DNAJC15: variants seen among roughly 807,000 people sequenced by gnomAD.
The protein encoded by DNAJC15 is dnaJ homolog subfamily C member 15.
Under a neutral mutation model 22.4 loss-of-function variants are expected in DNAJC15, and 27 were observed. The ratio of observed to expected loss-of-function variants is 1.20; its 90% CI spans 0.89 to 1.66. DNAJC15 has a LOEUF of 1.66. Among genes scored for constraint, DNAJC15 ranks in the 40% most tolerant of loss-of-function variants. DNAJC15 has a pLI of 0.00. For synonymous variants in DNAJC15, 79 were observed against 63.2 expected (o/e 1.25, Z -1.19); for missense variants, 208 against 187.1 (o/e 1.11, Z -0.65).
At chr13:43,046,251 C>T (rs1251551734) in intron 1 of DNAJC15, among the ~76,000 whole-genome samples, 1 of 151,450 alleles carries the variant, frequency 6.6e-6, no homozygotes, top group Non-Finnish European at 1.5e-5. Context: ...TTTACCTGGT[C>T]CAGGATATTT....
At chr13:43,094,494 G>A (rs752652266) in intron 5 of DNAJC15, among the ~76,000 whole-genome samples, 1 of 152,158 alleles carries the variant, frequency 6.6e-6, no homozygotes, top group East Asian at 1.9e-4. Flanking sequence ...GGTTCCAGCT[G>A]GGTTTCTGGG....
intron 1 of DNAJC15, among the ~76,000 whole-genome samples, chr13:43,055,701 T>G (rs942521058): frequency 2.6e-5 from 4 of 152,186 alleles, no homozygotes; most frequent in Non-Finnish European, 5.9e-5. Context: ...TCACTTTTGT[T>G]TTGTTGTTGT....
At chr13:43,073,927 A>T (rs2040620535) in intron 3 of DNAJC15, among the ~76,000 whole-genome samples, 1 of 149,660 alleles carries the variant, frequency 6.7e-6, no homozygotes, top group Non-Finnish European at 1.5e-5. Flanking sequence ...ATTACCCTTA[A>T]ATTTTTTTCT....
At chr13:43,085,412 C>T (rs1027398457) in intron 4 of DNAJC15, among the ~76,000 whole-genome samples, 15 of 152,054 alleles carry the variant, frequency 9.9e-5, no homozygotes, top group African/African-American at 3.4e-4. Context: ...AATCCAAATA[C>T]TTGTCTGCTA....
At position 43,099,631 on chromosome 13, in the gene DNAJC15, A is replaced by G. The variant is rs545920356; in HGVS notation, c.383-7547A>G. On this transcript the variant is annotated intron_variant, in intron 5 of 5. Transcript: ENST00000379221. ...CTTGTCAAATGCTTTTTCTCCATGT[A>G]TTGAGATCATTATGTGAATTTTTTT... 4.6e-5 allele frequency among the ~76,000 whole-genome samples: 7 copies of G among 152,068 alleles called. No homozygotes were observed. In the South Asian group the frequency reaches 1.2e-3, roughly 27 times the overall value.
intron 5 of DNAJC15, among the ~76,000 whole-genome samples, chr13:43,096,854 T>G (rs1438694149): frequency 6.6e-6 from 1 of 151,970 alleles, no homozygotes; most frequent in Non-Finnish European, 1.5e-5. Context: ...CTTACCTTCT[T>G]AGATCCTTGA....
At chr13:43,100,710 C>T (rs143814130) in intron 5 of DNAJC15, among the ~76,000 whole-genome samples, 1 of 152,226 alleles carries the variant, frequency 6.6e-6, no homozygotes, top group Non-Finnish European at 1.5e-5. Flanking sequence ...TGGAGAATGT[C>T]CTCTGTGCAT....
At chr13:43,037,099 C>T (rs2040432573) in intron 1 of DNAJC15, among the ~76,000 whole-genome samples, 1 of 152,236 alleles carries the variant, frequency 6.6e-6, no homozygotes, top group Non-Finnish European at 1.5e-5. Context: ...GAATGTCCAG[C>T]CCCCATGGTG....
In DNAJC15 at chr13:43,112,193, T is replaced by C. The variant is rs1050344890; in HGVS notation, c.*4945T>C. On this transcript the variant is annotated 3_prime_UTR_variant, in exon 6 of 6. Coordinates refer to ENST00000379221, the MANE Select transcript of DNAJC15 (RefSeq NM_013238.3). The stretch of plus-strand genomic sequence containing the variant: ...TTTATAAAAAGCTCTTTCTTTTGTA[T>C]TAAAAACCCTGCTCAATTGAAATGC... The C allele has an allele frequency of 6.6e-6, 1 of 152,226 alleles. No homozygotes were observed. Among genetic ancestry groups the C allele is most frequent in the Non-Finnish European group, 1.5e-5 (1 of 68,040 alleles). The allele number at this position is 152,226 out of a possible 1,614,324, so 9.4% of individuals were successfully genotyped here. A position where few individuals can be genotyped will look rare whatever the true frequency, so the allele number is the denominator to read the frequency against.
intron 2 of DNAJC15, among the ~76,000 whole-genome samples, chr13:43,067,664 A>G (rs1475243514): frequency 3.3e-5 from 5 of 152,168 alleles, no homozygotes; most frequent in African/African-American, 1.2e-4. Context: ...AAATACAACC[A>G]AATAATAGAA....
chr13:43,072,614 A>G (rs1481600662), intron 3 of DNAJC15, among the ~76,000 whole-genome samples: 2 of 149,346 alleles, frequency 1.3e-5, no homozygotes, highest in East Asian at 2.0e-4. Flanking sequence ...AGAGCCTAGT[A>G]GTGCGGTTGC....
intron 1 of DNAJC15, among the ~76,000 whole-genome samples, chr13:43,058,444 G>T (rs1206030717): frequency 2.0e-5 from 3 of 152,164 alleles, no homozygotes; most frequent in Non-Finnish European, 2.9e-5. Context: ...GGTGAGGCTT[G>T]TCTGACTCAG....
At chr13:43,037,735 C>G (rs2040435225) in intron 1 of DNAJC15, among the ~76,000 whole-genome samples, 1 of 151,914 alleles carries the variant, frequency 6.6e-6, no homozygotes, top group African/African-American at 2.4e-5. Context: ...TATGAATGCC[C>G]TAACTTAAAA....
chr13:43,098,469 C>G (rs2040751842), intron 5 of DNAJC15, among the ~76,000 whole-genome samples: 1 of 152,178 alleles, frequency 6.6e-6, no homozygotes, highest in Admixed American at 6.5e-5. Flanking sequence ...CCTTCCAACT[C>G]TGGGTTTCTG....
At position 43,075,685 on chromosome 13, in the gene DNAJC15, G is replaced by A. The variant is rs137856352; in HGVS notation, c.235-2927G>A. The stretch of plus-strand genomic sequence containing the variant: ...TTCCTCTAAGTCCCTCGTTTTTTGA[G>A]ACAGTCTGTCTCCATTGCCCAGGCT... On this transcript the variant is annotated intron_variant, in intron 3 of 5. Transcript: ENST00000379221. 2.2e-4 allele frequency among the ~76,000 whole-genome samples: 33 copies of A among 152,154 alleles called. No homozygotes were observed. The East Asian group carries it at 6.2e-3, about 29-fold the overall frequency.
At chr13:43,079,990 G>GA (rs1181773980) in intron 4 of DNAJC15, among the ~76,000 whole-genome samples, 1 of 152,128 alleles carries the variant, frequency 6.6e-6, no homozygotes, top group Non-Finnish European at 1.5e-5. Flanking sequence ...GTAAAATAGA[G>GA]ATAATAGATT....
chr13:43,089,353 C>G (rs1454391548), intron 5 of DNAJC15, among the ~76,000 whole-genome samples: 1 of 151,928 alleles, frequency 6.6e-6, no homozygotes, highest in Non-Finnish European at 1.5e-5. Flanking sequence ...GAGGAGCAGA[C>G]AAAAAATAAG....
chr13:43,102,363 C>T (rs754798434), intron 5 of DNAJC15, among the ~76,000 whole-genome samples: 1 of 152,096 alleles, frequency 6.6e-6, no homozygotes, highest in Non-Finnish European at 1.5e-5. Flanking sequence ...GTGAGATTTT[C>T]TCCTACTCTG....
At chr13:43,080,015 A>G (rs1194205837) in intron 4 of DNAJC15, among the ~76,000 whole-genome samples, 3 of 152,332 alleles carry the variant, frequency 2.0e-5, no homozygotes, top group Admixed American at 1.3e-4. Flanking sequence ...TTAACTGCAT[A>G]AAGTTGCCGT....
Sources: gnomAD v4.1 joint callset for allele counts (sites outside exome capture counted in the v4.1 genomes callset) on GRCh38, gnomAD v4.1.1 for gene constraint, MANE v1.5 for transcripts, NCBI Gene and HGNC (gene_info 2026-07-23, HGNC 2026-07-21) for gene names.